Variants in MROH7 observed in about 807,000 individuals in gnomAD.
MROH7 encodes the protein maestro heat like repeat family member 7, also known as maestro heat-like repeat-containing protein family member 7.
MROH7 carries 113 observed loss-of-function variants against 129.2 expected under a neutral mutation model. That is an observed-to-expected ratio of 0.87 (90% CI 0.75 to 1.02). The LOEUF is 1.02. MROH7 is among the 50% of genes least tolerant of loss of function. The pLI is 0.00. For missense variants in MROH7, 1,601 were observed against 1,671.3 expected, an observed-to-expected ratio of 0.96 and a Z score of 0.73; for synonymous variants, 655 against 667.9, an observed-to-expected ratio of 0.98 and a Z score of 0.30.
Position 54,679,423 on chromosome 1 carries a change from A to G in MROH7, c.2210A>G (p.His737Arg). Residue 737 changes from histidine (H) to arginine (R), a missense_variant, in exon 12 of 24, where the codon CAC (histidine) becomes CGC (arginine). By Grantham distance (29) the His-to-Arg change is conservative (BLOSUM62 0). Transcript: ENST00000421030. ...AGCTCGGTGCTGGAGTGGTACCGCCACAGGGCGCTGGAGGTGGTAAGGCCT... is the reference window on the plus strand; with the variant it reads ...AGCTCGGTGCTGGAGTGGTACCGCCGCAGGGCGCTGGAGGTGGTAAGGCCT... Reference protein sequence around the residue: ...MLSSVLEWYRHRALEVIPEIM... With the variant: ...MLSSVLEWYRRRALEVIPEIM... 6.2e-7 allele frequency: 1 copy of G among 1,613,580 alleles called. No individual in the cohort carries two copies. Among genetic ancestry groups the G allele is most frequent in the Non-Finnish European group, 8.5e-7 (1 of 1,179,742 alleles).
At position 54,673,197 on chromosome 1, in the gene MROH7, G is replaced by A. The variant is rs1053061281; in HGVS notation, c.1695+11G>A. The A allele has an allele frequency of 1.2e-6, 2 of 1,603,362 alleles. No individual in the cohort carries two copies. Among genetic ancestry groups the A allele is most frequent in the Non-Finnish European group, 1.7e-6 (2 of 1,171,334 alleles). ...AAGAGCATCTTGGAGGTGCGGAGAT[G>A]GGAGGGGCAAGGAAGGGAGGGGAGG... is the stretch of plus-strand genomic sequence containing the variant. On this transcript the variant is annotated intron_variant, in intron 8 of 23. Transcript: ENST00000421030.
At chr1:54,661,921 A>T (rs969163464) in intron 3 of MROH7, among the ~76,000 whole-genome samples, 1 of 152,028 alleles carries the variant, frequency 6.6e-6, no homozygotes, top group Non-Finnish European at 1.5e-5. Context: ...AAATGATTTT[A>T]AAAAACCAAC....
At chr1:54,659,962 T>C (rs1380591487) in intron 3 of MROH7, among the ~76,000 whole-genome samples, 1 of 152,240 alleles carries the variant, frequency 6.6e-6, no homozygotes, top group Non-Finnish European at 1.5e-5. Flanking sequence ...GCTGTGAATG[T>C]TGTTGACCAT....
chr1:54,708,135 G>A (rs1645564039), intron 22 of MROH7, among the ~76,000 whole-genome samples: 1 of 152,132 alleles, frequency 6.6e-6, no homozygotes, highest in Non-Finnish European at 1.5e-5. Flanking sequence ...AAAGAAGTGA[G>A]GCGCCAGGCA....
rs541767963 is a variant in MROH7 at position 54,703,061 on chromosome 1, T to C, written c.3564+316T>C. On this transcript the variant is annotated intron_variant, in intron 21 of 23. Transcript: ENST00000421030. The surrounding 1 kb of genome is among the most constrained non-coding windows in gnomAD (Gnocchi z 4.4). The stretch of plus-strand genomic sequence containing the variant: ...CCCCAAGCAGAAACCTAGAATCCTC[T>C]TGGGCTCCTTCATCTCCCTCACCCT... Among the ~76,000 whole-genome samples the C allele has an allele frequency of 9.8e-4, 149 of 152,252 alleles. No individual in the cohort carries two copies. The highest frequency in any genetic ancestry group is 3.1e-3 in the African/African-American group (128 of 41,530).
At chr1:54,689,490 G>A (rs912513284) in intron 15 of MROH7, among the ~76,000 whole-genome samples, 9 of 152,172 alleles carry the variant, frequency 5.9e-5, no homozygotes, top group South Asian at 2.1e-4. Flanking sequence ...CAAATTGTCC[G>A]TGCTCCAGAC....
chr1:54,652,870 G>T lies in MROH7; in HGVS notation c.-57G>T. On this transcript the variant is annotated 5_prime_UTR_variant, in exon 3 of 24. An upstream open reading frame in the 5' UTR loses its in-frame stop. Coordinates refer to ENST00000421030, the MANE Select transcript of MROH7 (RefSeq NM_001039464.4). ...CTCTCAAGACTGCTGCTGGGAATGT[G>T]ACAGTTGGCTGTTGGAGAGAAGCGG... 6.6e-7 allele frequency: 1 copy of T among 1,521,396 alleles called. No homozygotes were observed. The highest frequency in any genetic ancestry group is 1.3e-5 in the South Asian group (1 of 75,148). 94.2% of individuals were successfully genotyped at this position (1,521,396 alleles called of 1,614,324 possible).
At chr1:54,663,728 CT>C (rs1644769818) in intron 3 of MROH7, 1 of 424,518 alleles carries the variant, frequency 2.4e-6, no homozygotes, top group African/African-American at 2.1e-5. Context: ...TTTTGTGTCC[CT>C]TTGACATTTG....
intron 12 of MROH7, among the ~76,000 whole-genome samples, 173 bp from the exon 13 acceptor site, chr1:54,679,718 G>A (rs986438111): frequency 2.0e-5 from 3 of 152,074 alleles, no homozygotes; most frequent in Non-Finnish European, 2.9e-5. Context: ...AGAGAAACTG[G>A]CTCACTCCCA....
intron 13 of MROH7, among the ~76,000 whole-genome samples, chr1:54,680,698 C>T (rs1048291442): frequency 3.9e-5 from 6 of 152,198 alleles, no homozygotes; most frequent in African/African-American, 1.4e-4. Context: ...CTCAGCCTCC[C>T]ACCCAGGAAA....
chr1:54,670,993 C>G, intron 7 of MROH7, 64 bp downstream of exon 7: 1 of 1,501,898 alleles, frequency 6.7e-7, no homozygotes. Context: ...AGATATGGAG[C>G]TGCATCCTCC....
Position 54,709,992 on chromosome 1 carries a change from C to A in MROH7, c.3777C>A (p.Tyr1259Ter), listed in dbSNP as rs201217871. 1 of 1,614,114 alleles carries A rather than the reference C, an allele frequency of 6.2e-7. No individual in the cohort carries two copies. Among genetic ancestry groups the A allele is most frequent in the Non-Finnish European group, 8.5e-7 (1 of 1,180,014 alleles). ...RHDPEASVCIYAAQVQDHILA... is the reference protein window; with the variant it reads ...RHDPEASVCI Reference sequence around the variant, plus strand: ...ACCCAGAAGCATCAGTGTGCATCTACGCAGCCCAGGTCCAGGACCACATCC... The same window carrying A: ...ACCCAGAAGCATCAGTGTGCATCTAAGCAGCCCAGGTCCAGGACCACATCC... Residue 1259 changes from tyrosine (Y) to a stop codon, truncating the protein, a stop_gained, in exon 24 of 24, where the codon TAC becomes TAA. Coordinates refer to ENST00000421030, the MANE Select transcript of MROH7 (RefSeq NM_001039464.4). LOFTEE classifies it high-confidence loss of function.
At chr1:54,687,133 G>A (rs1645161547) in intron 15 of MROH7, among the ~76,000 whole-genome samples, 1 of 151,930 alleles carries the variant, frequency 6.6e-6, no homozygotes. Flanking sequence ...GAGTGCAGTG[G>A]CGCAATCTCA....
At position 54,673,781 on chromosome 1, in the gene MROH7, C is replaced by T. The variant is rs370352621; in HGVS notation, c.1776C>T (p.His592=). 2.2e-5 allele frequency: 36 copies of T among 1,614,024 alleles called. No individual in the cohort carries two copies. In the African/African-American group the frequency reaches 4.4e-4, roughly 20 times the overall value. The change falls in exon 9 of 24, where the codon CAC becomes CAT. Residue 592 remains histidine (H), a synonymous_variant. Transcript: ENST00000421030. ...AVNTNVSVLN[H]MLLTLPFFMP... ...ACACCAATGTCTCTGTGTTGAACCACATGCTTCTAACTCTGCCTTTCTTTG... is the reference window on the plus strand; with the variant it reads ...ACACCAATGTCTCTGTGTTGAACCATATGCTTCTAACTCTGCCTTTCTTTG...
chr1:54,647,819 C>T (rs143086762), intron 1 of MROH7, among the ~76,000 whole-genome samples: 1,815 of 148,124 alleles, frequency 0.012, 72 homozygotes, highest in Admixed American at 0.087. Context: ...GCAGGAGAAT[C>T]GCTTGAACCT....
intron 3 of MROH7, among the ~76,000 whole-genome samples, chr1:54,656,408 G>A (rs1644646257): frequency 6.7e-6 from 1 of 149,952 alleles, no homozygotes; most frequent in African/African-American, 2.5e-5. Context: ...TACTTGGGAG[G>A]CTGAGGCAGG....
At chr1:54,695,346 G>T in intron 16 of MROH7, 30 bp from the exon 17 acceptor site, 1 of 1,348,500 alleles carries the variant, frequency 7.4e-7, no homozygotes, top group Non-Finnish European at 1.1e-6. Context: ...CTGGATACCT[G>T]AGGGGACTAC....
Position 54,652,881 on chromosome 1 carries a change from G to T in MROH7, c.-46G>T, listed in dbSNP as rs760532586. On this transcript the variant is annotated 5_prime_UTR_variant, in exon 3 of 24. Transcript: ENST00000421030. ...GCTGCTGGGAATGTGACAGTTGGCT[G>T]TTGGAGAGAAGCGGGCACTGGCATT... 1 of 1,524,320 alleles carries T rather than the reference G, an allele frequency of 6.6e-7. No individual in the cohort carries two copies. The highest frequency in any genetic ancestry group is 1.3e-5 in the South Asian group (1 of 75,686). 94.4% of individuals were successfully genotyped at this position (1,524,320 alleles called of 1,614,324 possible).
intron 15 of MROH7, 118 bp from the exon 16 acceptor site, chr1:54,692,306 A>T: frequency 7.8e-7 from 1 of 1,284,110 alleles, no homozygotes; most frequent in Non-Finnish European, 1.1e-6. Flanking sequence ...GAATACCCCT[A>T]CCTAAAATGG....
Sources: allele counts gnomAD v4.1 joint callset (sites outside exome capture counted in the v4.1 genomes callset), GRCh38; gene constraint gnomAD v4.1.1; non-coding constraint Gnocchi (gnomAD v3.1); transcripts MANE v1.5; gene names NCBI Gene and HGNC (gene_info 2026-07-23, HGNC 2026-07-21).